POU6F2: variants seen among roughly 807,000 people sequenced by gnomAD.
POU6F2 encodes the protein POU class 6 homeobox 2.
A neutral mutation model predicts 71.3 loss-of-function variants in POU6F2; 31 were observed. The observed-to-expected ratio is 0.43, with a 90% confidence interval of 0.33 to 0.59. POU6F2 has a LOEUF of 0.59. POU6F2 is among the 20% of genes least tolerant of loss of function. The pLI, the probability that POU6F2 is intolerant of heterozygous loss-of-function variation, is 0.04. For missense variants in POU6F2, 783 were observed against 856.8 expected, an observed-to-expected ratio of 0.91 and a Z score of 1.07; for synonymous variants, 347 against 355.7, an observed-to-expected ratio of 0.98 and a Z score of 0.27.
intron 1 of POU6F2, among the ~76,000 whole-genome samples, chr7:39,002,365 C>T (rs186698292): frequency 8.5e-5 from 12 of 140,566 alleles, no homozygotes; most frequent in Non-Finnish European, 1.3e-4. Flanking sequence ...TTGTTGTTTT[C>T]GAGACAGGGT....
chr7:39,224,101 A>G (rs1376256247), intron 4 of POU6F2, among the ~76,000 whole-genome samples: 1 of 152,218 alleles, frequency 6.6e-6, no homozygotes, highest in Admixed American at 6.5e-5. Flanking sequence ...AGCCACAAAT[A>G]GAATGCAGGA....
intron 1 of POU6F2, among the ~76,000 whole-genome samples, chr7:39,001,595 T>C (rs1056422231): frequency 4.6e-5 from 7 of 152,208 alleles, no homozygotes; most frequent in African/African-American, 1.7e-4. Flanking sequence ...CTGAGCTCTC[T>C]CCTAAAGGTT....
chr7:39,060,754 C>G (rs986614076), intron 1 of POU6F2, among the ~76,000 whole-genome samples: 1 of 152,066 alleles, frequency 6.6e-6, no homozygotes, highest in Non-Finnish European at 1.5e-5. Context: ...AGTGTTTGAT[C>G]TCAGGATTCC....
At position 39,406,710 on chromosome 7, in the gene POU6F2, A is replaced by G; in HGVS notation, c.1083A>G (p.Thr361=). The change falls in exon 6 of 10, where the codon ACA becomes ACG. Residue 361 remains threonine, a synonymous_variant. Coordinates refer to ENST00000518318, the MANE Select transcript of POU6F2 (RefSeq NM_001370959.1). ...CCCTCTCCAGTCTTCAGGGGGTCAC[A>G]GGTCAACTAGTTACTAATGCACAAG... ...GNALSSLQGV[T]GQLVTNAQGQ... 6.2e-7 allele frequency: 1 copy of G among 1,613,756 alleles called. No homozygotes were observed. The highest frequency in any genetic ancestry group is 8.5e-7 in the Non-Finnish European group (1 of 1,179,882).
At chr7:39,150,491 G>C (rs1792734624) in intron 2 of POU6F2, among the ~76,000 whole-genome samples, 1 of 115,234 alleles carries the variant, frequency 8.7e-6, no homozygotes, top group East Asian at 2.7e-4. Flanking sequence ...TTTTGAGACA[G>C]AGTCTCACTC....
intron 1 of POU6F2, among the ~76,000 whole-genome samples, chr7:39,050,059 T>C (rs1790373649): frequency 6.6e-6 from 1 of 152,010 alleles, no homozygotes; most frequent in Non-Finnish European, 1.5e-5. Flanking sequence ...GTTCTGGAGG[T>C]TATTACCAAT....
At chr7:39,060,678 T>C (rs1455579389) in intron 1 of POU6F2, among the ~76,000 whole-genome samples, 8 of 152,180 alleles carry the variant, frequency 5.3e-5, no homozygotes. Flanking sequence ...AAGTAGAAAG[T>C]TGTCCCTTTC....
intron 2 of POU6F2, among the ~76,000 whole-genome samples, chr7:39,185,222 G>T (rs529402387): frequency 6.6e-6 from 1 of 152,022 alleles, no homozygotes; most frequent in South Asian, 2.1e-4. Context: ...ATGGGGGAGG[G>T]GGGTGAAGGA....
At chr7:39,248,986 G>T (rs1164765838) in intron 4 of POU6F2, among the ~76,000 whole-genome samples, 1 of 152,134 alleles carries the variant, frequency 6.6e-6, no homozygotes, top group African/African-American at 2.4e-5. Context: ...CAGTTTAACT[G>T]CCAGATCCCT....
chr7:39,432,935 C>T, intron 6 of POU6F2, 142 bp from the exon 7 acceptor site: 1 of 725,594 alleles, frequency 1.4e-6, no homozygotes, highest in South Asian at 1.9e-5. Context: ...CCTTCTTCCA[C>T]CACACCCCCC....
intron 1 of POU6F2, among the ~76,000 whole-genome samples, chr7:39,022,923 G>A (rs1459095893): frequency 6.6e-6 from 1 of 152,062 alleles, no homozygotes; most frequent in Non-Finnish European, 1.5e-5. Context: ...GAAACTGTCA[G>A]TTTTCCAAGC....
At chr7:39,292,295 A>G (rs752029052) in intron 4 of POU6F2, among the ~76,000 whole-genome samples, 4 of 152,134 alleles carry the variant, frequency 2.6e-5, no homozygotes, top group Admixed American at 1.3e-4. Flanking sequence ...GCATCCAGTG[A>G]ATTTTGATGA....
chr7:39,461,206 C>G (rs899388525), intron 9 of POU6F2, among the ~76,000 whole-genome samples: 1 of 152,190 alleles, frequency 6.6e-6, no homozygotes, highest in African/African-American at 2.4e-5. Context: ...TTCCCAGACA[C>G]AGCTTTAAAA....
chr7:39,413,817 T>C (rs1444842683), intron 6 of POU6F2, among the ~76,000 whole-genome samples: 1 of 152,238 alleles, frequency 6.6e-6, no homozygotes, highest in African/African-American at 2.4e-5. Flanking sequence ...CCTCAATCTT[T>C]CTACTAACAT....
In POU6F2 at chr7:39,109,190, C is replaced by T. The variant is rs369168137; in HGVS notation, c.277+23159C>T. ...CCTCCTGAGTAGCTGGGACTACAGA[C>T]ATGTGCTGCCACTGCATCTGGCTAA... On this transcript the variant is annotated intron_variant, in intron 2 of 9. Transcript: ENST00000518318. Among the ~76,000 whole-genome samples the T allele has an allele frequency of 6.6e-5, 10 of 152,206 alleles. No homozygotes were observed. In the South Asian group the frequency reaches 1.9e-3, roughly 28 times the overall value.
chr7:39,388,542 C>T (rs1272023323), intron 5 of POU6F2, among the ~76,000 whole-genome samples: 1 of 152,136 alleles, frequency 6.6e-6, no homozygotes, highest in Non-Finnish European at 1.5e-5. Context: ...TCTCGAACTC[C>T]TGACCTCAGG....
intron 1 of POU6F2, among the ~76,000 whole-genome samples, chr7:39,028,256 C>T (rs1175460396): frequency 1.3e-5 from 2 of 152,074 alleles, no homozygotes; most frequent in Non-Finnish European, 2.9e-5. Context: ...TCTCCCTACT[C>T]ATGCTTTATG....
chr7:39,298,694 A>G (rs1374643075), intron 4 of POU6F2, among the ~76,000 whole-genome samples: 1 of 152,216 alleles, frequency 6.6e-6, no homozygotes, highest in Non-Finnish European at 1.5e-5. Flanking sequence ...TACTATAAAG[A>G]CACATGCACA....
chr7:39,011,886 G>T (rs936213094), intron 1 of POU6F2, among the ~76,000 whole-genome samples: 1 of 151,562 alleles, frequency 6.6e-6, no homozygotes, highest in Non-Finnish European at 1.5e-5. Flanking sequence ...TTTCTGCCGA[G>T]AGATCCGCTG....
Sources: allele counts gnomAD v4.1 joint callset (sites outside exome capture counted in the v4.1 genomes callset), GRCh38; gene constraint gnomAD v4.1.1; transcripts MANE v1.5; gene names NCBI Gene and HGNC (gene_info 2026-07-23, HGNC 2026-07-21).